The following AGTPBP1 variants were observed in gnomAD, a reference collection of about 807,000 sequenced individuals.
AGTPBP1 encodes cytosolic carboxypeptidase 1.
Under a neutral mutation model 143.9 loss-of-function variants are expected in AGTPBP1, and 70 were observed. The ratio of observed to expected loss-of-function variants is 0.49; its 90% confidence interval spans 0.40 to 0.59. The LOEUF (loss-of-function observed/expected upper bound fraction) is 0.59, where lower values mean the gene tolerates loss of function less well. Ranked by LOEUF, AGTPBP1 falls within the 20% of genes least tolerant of loss-of-function variation. The pLI is 0.00. For synonymous variants in AGTPBP1, 463 were observed against 500.2 expected, an observed-to-expected ratio of 0.93 and a Z score of 0.99; for missense variants, 1,229 against 1,464.5, an observed-to-expected ratio of 0.84 and a Z score of 2.62.
chr9:85,675,602 C>A (rs1834775949), intron 6 of AGTPBP1, among the ~76,000 whole-genome samples: 1 of 152,174 alleles, frequency 6.6e-6, no homozygotes, highest in Admixed American at 6.5e-5. Flanking sequence ...TTTACAAACA[C>A]ACTTGAGAGG....
chr9:85,745,610 T>A (rs1489618724), upstream of AGTPBP1, among the ~76,000 whole-genome samples: 1 of 152,184 alleles, frequency 6.6e-6, no homozygotes, highest in Non-Finnish European at 1.5e-5. Flanking sequence ...AATCTGGGAT[T>A]TCACACATTG....
intron 13 of AGTPBP1, among the ~76,000 whole-genome samples, chr9:85,638,899 A>C (rs72746604): frequency 0.012 from 1,800 of 152,214 alleles, 20 homozygotes; most frequent in South Asian, 0.022. Context: ...AGTGATTAAT[A>C]GAATAAGAAT....
intron 1 of AGTPBP1, among the ~76,000 whole-genome samples, chr9:85,730,717 C>G (rs577977107): frequency 5.3e-5 from 8 of 152,292 alleles, no homozygotes; most frequent in African/African-American, 1.9e-4. Flanking sequence ...CTAAGTTCAT[C>G]TGGAAGATGG....
chr9:85,548,630 CAAGTT>C (rs775386796), intron 25 of AGTPBP1, among the ~76,000 whole-genome samples: 2 of 112,794 alleles, frequency 1.8e-5, no homozygotes, highest in African/African-American at 8.1e-5. Flanking sequence ...ATTAGAGAAA[CAAGTT>C]AGATTAAAAG....
At chr9:85,785,138 T>A in the AGTPBP1 span, among the ~76,000 whole-genome samples, 8,218 of 152,026 alleles carry the variant, frequency 0.054, 720 homozygotes, top group African/African-American at 0.18. Context: ...ATCGAGACCA[T>A]CCTGGCTAAC....
At chr9:85,693,529 C>T (rs1055342707) in intron 2 of AGTPBP1, among the ~76,000 whole-genome samples, 5 of 152,008 alleles carry the variant, frequency 3.3e-5, no homozygotes, top group African/African-American at 9.7e-5. Context: ...ATCCAGGAGG[C>T]GGAGGTTGCA....
chr9:85,679,099 T>C (rs956350722), intron 4 of AGTPBP1, among the ~76,000 whole-genome samples: 2 of 152,202 alleles, frequency 1.3e-5, no homozygotes, highest in African/African-American at 4.8e-5. Context: ...TATAGTAAGG[T>C]AAATGCCTAC....
chr9:85,787,694 G>A, the AGTPBP1 span, among the ~76,000 whole-genome samples: 8 of 152,176 alleles, frequency 5.3e-5, no homozygotes, highest in South Asian at 4.1e-4. Flanking sequence ...GTAATGACCT[G>A]AGGAATTATT....
the AGTPBP1 span, among the ~76,000 whole-genome samples, chr9:85,759,314 A>C: frequency 3.3e-5 from 5 of 152,312 alleles, no homozygotes; most frequent in African/African-American, 1.2e-4. Flanking sequence ...TCAACACAAT[A>C]TACATTCTTC....
Position 85,660,982 on chromosome 9 carries a change from A to G in AGTPBP1, c.663-9T>C. 6.3e-7 allele frequency: 1 copy of G among 1,590,492 alleles called. No homozygotes were observed. Among genetic ancestry groups the G allele is most frequent in the Non-Finnish European group, 8.5e-7 (1 of 1,171,422 alleles). On this transcript the variant is annotated splice_polypyrimidine_tract_variant and intron_variant, in intron 8 of 25. Transcript: ENST00000357081. ...GAGTGTCTAAAGCAACCCTGTCAAC[A>G]CAACAAGAAAACACAAACAACAACA...
chr9:85,608,680 T>A (rs555581444), intron 17 of AGTPBP1, among the ~76,000 whole-genome samples: 25 of 151,986 alleles, frequency 1.6e-4, no homozygotes, highest in Non-Finnish European at 3.5e-4. Flanking sequence ...TAAGATGATA[T>A]AAGTAATATA....
intron 14 of AGTPBP1, among the ~76,000 whole-genome samples, chr9:85,622,684 T>C (rs1445393683): frequency 6.6e-6 from 1 of 152,192 alleles, no homozygotes; most frequent in Non-Finnish European, 1.5e-5. Context: ...AAGCTACACA[T>C]TCTTGATGTA....
intron 3 of AGTPBP1, among the ~76,000 whole-genome samples, chr9:85,689,925 A>AATATATATATATATATATAT (rs1554726691): frequency 8.3e-5 from 6 of 72,514 alleles, no homozygotes; most frequent in South Asian, 5.3e-4. Flanking sequence ...AAAAAAAAAA[A>AATATATATATATATATATAT]ATATATATAT....
intron 25 of AGTPBP1, among the ~76,000 whole-genome samples, chr9:85,550,192 T>TGAGAGAGA (rs72089458): frequency 1.4e-4 from 21 of 145,368 alleles, no homozygotes; most frequent in Middle Eastern, 3.5e-3. Flanking sequence ...TGTGTGTGTG[T>TGAGAGAGA]GTGAGAGAGA....
At chr9:85,765,927 C>A in the AGTPBP1 span, among the ~76,000 whole-genome samples, 544 of 152,198 alleles carry the variant, frequency 3.6e-3, no homozygotes, top group African/African-American at 0.012. Context: ...AACATTATAG[C>A]CCTCTGTTGC....
At chr9:85,637,326 AGCCACCAT>A (rs1343446653) in intron 13 of AGTPBP1, among the ~76,000 whole-genome samples, 1 of 152,146 alleles carries the variant, frequency 6.6e-6, no homozygotes, top group Non-Finnish European at 1.5e-5. Context: ...TACAGGCATG[AGCCACCAT>A]GCCTGGCCAC....
intron 25 of AGTPBP1, among the ~76,000 whole-genome samples, chr9:85,555,617 T>G (rs1292391335): frequency 6.6e-6 from 1 of 152,078 alleles, no homozygotes; most frequent in Non-Finnish European, 1.5e-5. Context: ...AAAAGATAGT[T>G]GATTTCTCAA....
At chr9:85,775,177 A>G in the AGTPBP1 span, among the ~76,000 whole-genome samples, 23 of 152,134 alleles carry the variant, frequency 1.5e-4, no homozygotes, top group African/African-American at 5.1e-4. Context: ...GGTGGCACGC[A>G]CCTGTAGTCC....
the AGTPBP1 span, among the ~76,000 whole-genome samples, chr9:85,758,372 C>T: frequency 3.3e-5 from 5 of 152,074 alleles, no homozygotes; most frequent in African/African-American, 7.2e-5. Flanking sequence ...AGGCAGGGCG[C>T]GGTGGCTCAC....
Sources: gnomAD v4.1 joint callset for allele counts (sites outside exome capture counted in the v4.1 genomes callset) on GRCh38, gnomAD v4.1.1 for gene constraint, MANE v1.5 for transcripts, NCBI Gene and HGNC (gene_info 2026-07-23, HGNC 2026-07-21) for gene names.